Variants in CCDC146 observed in about 807,000 individuals in gnomAD.
CCDC146 encodes the protein coiled-coil domain containing 146.
CCDC146 carries 92 observed loss-of-function variants against 119.3 expected under a neutral mutation model. The observed-to-expected ratio is 0.77, with a 90% CI of 0.65 to 0.92. The LOEUF is 0.92. Ranked by LOEUF, CCDC146 falls within the 40% of genes least tolerant of loss-of-function variation. The probability of loss-of-function intolerance (pLI) is 0.00; values close to 1 mark genes in which losing one functional copy is unlikely to be tolerated. For missense variants in CCDC146, 1,000 were observed against 1,103.0 expected (o/e 0.91, Z 1.32); for synonymous variants, 372 against 371.8 (o/e 1.00, Z -0.01).
At chr7:77,258,868 A>G in intron 6 of CCDC146, 127 bp from the exon 7 acceptor site, 1 of 649,518 alleles carries the variant, frequency 1.5e-6, no homozygotes, top group Non-Finnish European at 2.8e-6. Flanking sequence ...GGGATAATTA[A>G]AGCACACAGG....
At chr7:77,291,941 A>T (rs749092819) in intron 17 of CCDC146, among the ~76,000 whole-genome samples, 1 of 152,128 alleles carries the variant, frequency 6.6e-6, no homozygotes, top group Non-Finnish European at 1.5e-5. Context: ...ATTCTACCAG[A>T]TTTTTTCCCC....
At chr7:77,269,964 G>A (rs1793479185) in intron 9 of CCDC146, among the ~76,000 whole-genome samples, 2 of 152,122 alleles carry the variant, frequency 1.3e-5, no homozygotes, top group Non-Finnish European at 2.9e-5. Context: ...AACTAAAAGA[G>A]ATAAAAGGTA....
intron 10 of CCDC146, 151 bp from the exon 11 acceptor site, chr7:77,274,331 A>G: frequency 2.0e-6 from 1 of 505,998 alleles, no homozygotes. Context: ...CAGCCTCCCA[A>G]AGGCTTGAAT....
intron 4 of CCDC146, among the ~76,000 whole-genome samples, chr7:77,242,950 A>T (rs1264036821): frequency 6.6e-6 from 1 of 152,128 alleles, no homozygotes. Flanking sequence ...TCAGGGGGGA[A>T]AATTGGAGGT....
chr7:77,264,928 T>C (rs536696233), intron 9 of CCDC146, among the ~76,000 whole-genome samples: 2 of 152,234 alleles, frequency 1.3e-5, no homozygotes, highest in Non-Finnish European at 2.9e-5. Flanking sequence ...TAGAGTCAAA[T>C]ATAAGTTATT....
chr7:77,199,569 G>A (rs757330890), intron 2 of CCDC146: 2 of 1,614,096 alleles, frequency 1.2e-6, no homozygotes, highest in East Asian at 2.2e-5. Context: ...ACACCTCCTC[G>A]ATCCTGCTGA....
chr7:77,173,217 A>G (rs1318069205), intron 2 of CCDC146, among the ~76,000 whole-genome samples: 1 of 151,990 alleles, frequency 6.6e-6, no homozygotes, highest in Non-Finnish European at 1.5e-5. Context: ...TTTTAAGAAG[A>G]AAAAGAAAAT....
At chr7:77,199,078 A>G in intron 2 of CCDC146, 1 of 967,578 alleles carries the variant, frequency 1.0e-6, no homozygotes, top group Admixed American at 2.3e-5. Flanking sequence ...AAAAGACTTA[A>G]TCTGTCATCT....
Position 77,202,011 on chromosome 7 carries a change from T to C in CCDC146, c.156+34187T>C, listed in dbSNP as rs144105847. On this transcript the variant is annotated intron_variant, in intron 2 of 18. Coordinates refer to ENST00000285871, the MANE Select transcript of CCDC146 (RefSeq NM_020879.3). ...GTGAAATGTCCTTGACTGACTAGAG[T>C]ATAAATCCCTGCATTTAGTTAGTAA... Among the ~76,000 whole-genome samples the C allele has an allele frequency of 1.4e-3, 207 of 152,360 alleles. 1 individual carries two copies. Among genetic ancestry groups the C allele is most frequent in the African/African-American group, 4.8e-3 (198 of 41,596 alleles).
At chr7:77,199,106 A>G in intron 2 of CCDC146, 1 of 1,260,552 alleles carries the variant, frequency 7.9e-7, no homozygotes, top group Non-Finnish European at 1.1e-6. Flanking sequence ...TTACTGACTC[A>G]GGTTAATGTT....
At chr7:77,249,083 T>C (rs1330100789) in intron 4 of CCDC146, among the ~76,000 whole-genome samples, 2 of 152,218 alleles carry the variant, frequency 1.3e-5, no homozygotes, top group Non-Finnish European at 2.9e-5. Flanking sequence ...TGTGCACTTT[T>C]GATAGAGGGA....
At chr7:77,167,120 G>A (rs1328289134) in intron 1 of CCDC146, among the ~76,000 whole-genome samples, 1 of 152,152 alleles carries the variant, frequency 6.6e-6, no homozygotes, top group Non-Finnish European at 1.5e-5. Context: ...TATGTTATTT[G>A]CTAGGTGTTG....
chr7:77,249,951 C>A (rs538939282), intron 4 of CCDC146, among the ~76,000 whole-genome samples: 11 of 152,226 alleles, frequency 7.2e-5, no homozygotes, highest in African/African-American at 2.6e-4. Context: ...CATTTTCTCT[C>A]CTTTCTTAGT....
At chr7:77,258,913 T>A in intron 6 of CCDC146, 82 bp from the exon 7 acceptor site, 2 of 892,062 alleles carry the variant, frequency 2.2e-6, no homozygotes, top group Non-Finnish European at 1.8e-6. Flanking sequence ...GTAGTTCCTT[T>A]CTCTCTCATA....
chr7:77,165,743 A>G (rs528990720), intron 1 of CCDC146, among the ~76,000 whole-genome samples: 52 of 152,370 alleles, frequency 3.4e-4, no homozygotes, highest in African/African-American at 1.3e-3. Flanking sequence ...TGGTATCTGC[A>G]CATATAATAA....
chr7:77,251,166 T>C (rs1394896180), intron 4 of CCDC146, among the ~76,000 whole-genome samples: 1 of 151,896 alleles, frequency 6.6e-6, no homozygotes, highest in Non-Finnish European at 1.5e-5. Context: ...GGATTACAAG[T>C]GGCCGCCAAT....
chr7:77,289,546 A>T (rs1228541890), intron 17 of CCDC146, among the ~76,000 whole-genome samples: 1 of 152,264 alleles, frequency 6.6e-6, no homozygotes, highest in Non-Finnish European at 1.5e-5. Context: ...GACCTTGAGA[A>T]AGATGGATAA....
intron 2 of CCDC146, among the ~76,000 whole-genome samples, chr7:77,220,712 G>A (rs958821457): frequency 3.3e-5 from 5 of 152,080 alleles, no homozygotes; most frequent in African/African-American, 1.2e-4. Context: ...AAATACTCAG[G>A]TGTTGAATTT....
intron 1 of CCDC146, among the ~76,000 whole-genome samples, chr7:77,164,431 TG>T (rs1791311949): frequency 1.3e-5 from 2 of 152,314 alleles, no homozygotes; most frequent in South Asian, 4.1e-4. Flanking sequence ...TTTAGGGCAT[TG>T]AAAAAAGCAA....
Sources: allele counts gnomAD v4.1 joint callset (sites outside exome capture counted in the v4.1 genomes callset), GRCh38; gene constraint gnomAD v4.1.1; transcripts MANE v1.5; gene names NCBI Gene and HGNC (gene_info 2026-07-23, HGNC 2026-07-21).